SPAST: variants seen among roughly 807,000 people sequenced by gnomAD.
The protein encoded by SPAST is spastin.
A neutral mutation model predicts 76.6 loss-of-function variants in SPAST; 30 were observed. The ratio of observed to expected loss-of-function variants is 0.39; its 90% CI spans 0.29 to 0.53. SPAST has a LOEUF of 0.53. Ranked by LOEUF, SPAST falls within the 20% of genes least tolerant of loss-of-function variation. SPAST has a pLI of 0.68. For synonymous variants in SPAST, 305 were observed against 281.0 expected (o/e 1.09, Z -0.86); for missense variants, 717 against 770.5 (o/e 0.93, Z 0.82).
intron 3 of SPAST, among the ~76,000 whole-genome samples, chr2:32,092,640 G>A (rs1677767021): frequency 6.6e-6 from 1 of 152,254 alleles, no homozygotes; most frequent in Non-Finnish European, 1.5e-5. Flanking sequence ...TTTAAAGTTG[G>A]TGTCTGTTTT....
chr2:32,115,985 C>A, intron 6 of SPAST, 134 bp from the exon 7 acceptor site: 2 of 947,260 alleles, frequency 2.1e-6, no homozygotes, highest in Admixed American at 2.3e-5. Flanking sequence ...ATGTAGAAAA[C>A]CATTGCTTTA....
At chr2:32,153,814 C>T (rs868437384) in intron 16 of SPAST, among the ~76,000 whole-genome samples, 1 of 152,030 alleles carries the variant, frequency 6.6e-6, no homozygotes. Context: ...AAGTGGCTCA[C>T]GTCTGTAATC....
chr2:32,088,110 A>G (rs1396498329), intron 2 of SPAST, among the ~76,000 whole-genome samples: 5 of 151,274 alleles, frequency 3.3e-5, no homozygotes, highest in African/African-American at 9.7e-5. Context: ...CTGGTTTCGA[A>G]CTCCTGATCT....
At chr2:32,082,678 A>C (rs1677285719) in intron 1 of SPAST, among the ~76,000 whole-genome samples, 1 of 151,998 alleles carries the variant, frequency 6.6e-6, no homozygotes, top group Non-Finnish European at 1.5e-5. Context: ...CCTGGGCAAC[A>C]AGAGCGAAAT....
intron 16 of SPAST, among the ~76,000 whole-genome samples, chr2:32,148,209 A>AT (rs1211303884): frequency 2.0e-5 from 3 of 151,722 alleles, no homozygotes; most frequent in African/African-American, 4.8e-5. Flanking sequence ...CTTGGGACTA[A>AT]TTTTTTTTAA....
In SPAST at chr2:32,155,510, A is replaced by C. The variant is rs2148770155; in HGVS notation, c.*1014A>C. On this transcript the variant is annotated 3_prime_UTR_variant, in exon 17 of 17. Coordinates refer to ENST00000315285, the MANE Select transcript of SPAST (RefSeq NM_014946.4). ...CTACCATCTTTTATTCTTAATAATT[A>C]TTAATCCCTTCAATGAAACTTTAAA... The C allele has an allele frequency of 6.6e-6, 1 of 152,662 alleles. No homozygotes were observed. The highest frequency in any genetic ancestry group is 1.9e-4 in the East Asian group (1 of 5,190). 9.5% of individuals were successfully genotyped at this position (152,662 alleles called of 1,614,324 possible). A position where few individuals can be genotyped will look rare whatever the true frequency, so the allele number is the denominator to read the frequency against.
chr2:32,095,526 G>T (rs1677882811), intron 3 of SPAST, among the ~76,000 whole-genome samples: 1 of 151,456 alleles, frequency 6.6e-6, no homozygotes. Context: ...GAGTCCAGGA[G>T]TTTGAAACCA....
intron 13 of SPAST, 96 bp from the exon 14 acceptor site, chr2:32,143,240 C>T: frequency 1.3e-6 from 1 of 754,400 alleles, no homozygotes; most frequent in Non-Finnish European, 2.3e-6. Context: ...GCACTCCAGC[C>T]TGGGTAACAG....
At chr2:32,079,333 T>C (rs1040959002) in intron 1 of SPAST, among the ~76,000 whole-genome samples, 1 of 151,428 alleles carries the variant, frequency 6.6e-6, no homozygotes, top group African/African-American at 2.4e-5. Flanking sequence ...CTGGGCAATA[T>C]AGTGAGAGAC....
chr2:32,072,037 G>C (rs548621583), intron 1 of SPAST, among the ~76,000 whole-genome samples: 147 of 152,122 alleles, frequency 9.7e-4, no homozygotes, highest in Non-Finnish European at 1.8e-3. Context: ...ACTTCAATTT[G>C]TTTTATTTAT....
At chr2:32,126,834 A>C in intron 7 of SPAST, 114 bp from the exon 8 acceptor site, 1 of 703,532 alleles carries the variant, frequency 1.4e-6, no homozygotes, top group Admixed American at 2.3e-5. Context: ...CTTTAAAGCT[A>C]TGGGCAGCTC....
At chr2:32,086,534 G>A (rs182342551) in intron 1 of SPAST, among the ~76,000 whole-genome samples, 347 of 151,506 alleles carry the variant, frequency 2.3e-3, no homozygotes, top group African/African-American at 8.0e-3. Flanking sequence ...AGGCCAAGGC[G>A]GGTGGATCAC....
intron 4 of SPAST, among the ~76,000 whole-genome samples, chr2:32,103,294 T>A (rs1292737034): frequency 6.6e-6 from 1 of 152,236 alleles, no homozygotes. Flanking sequence ...TTTGCATTTC[T>A]GTGGAATCGG....
intron 1 of SPAST, among the ~76,000 whole-genome samples, chr2:32,076,323 C>G (rs901418272): frequency 6.6e-6 from 1 of 152,140 alleles, no homozygotes; most frequent in East Asian, 1.9e-4. Context: ...GAAAATAATT[C>G]TTTACCTTGA....
rs750900931 is a variant in SPAST at position 32,063,851 on chromosome 2, G to T, written c.20G>T (p.Arg7Leu). 4 of 1,581,718 alleles carry T rather than the reference G, an allele frequency of 2.5e-6. No homozygotes were observed. The highest frequency in any genetic ancestry group is 2.3e-5 in the East Asian group (1 of 43,852). Reference protein sequence around the residue: MNSPGGRGKKKGSGGAS... With the variant: MNSPGGLGKKKGSGGAS... ...CTGTGAATGAATTCTCCGGGTGGAC[G>T]AGGGAAGAAGAAAGGCTCCGGCGGC... The change falls in exon 1 of 17, where the codon CGA becomes CTA. Residue 7 changes from arginine (R) to leucine (L), a missense_variant. Physicochemically the swap from Arg to Leu is moderately radical, Grantham distance 102. Around this residue, in one of 3 missense-constraint regions of SPAST, gnomAD observed 543 missense variants for 445.2 expected, o/e 1.22. Transcript: ENST00000315285.
In SPAST at chr2:32,139,847, AAAAG is replaced by A. The variant is rs1175853479; in HGVS notation, c.1494-2053_1494-2050del. ...ATCCGTTTCCAAAATTAAAAAAAAA[AAAAG>A]AAAAAAAAAAAGACAATGGAGTACC... On this transcript the variant is annotated intron_variant, in intron 12 of 16. Coordinates refer to ENST00000315285, the MANE Select transcript of SPAST (RefSeq NM_014946.4). Among the ~76,000 whole-genome samples, 272 of 151,892 alleles carry A rather than the reference AAAAG, an allele frequency of 1.8e-3. 5 individuals are homozygous for A. In the East Asian group the frequency reaches 0.041, roughly 23 times the overall value.
At chr2:32,136,829 C>A in intron 10 of SPAST, 48 bp from the exon 11 acceptor site, 1 of 1,443,232 alleles carries the variant, frequency 6.9e-7, no homozygotes, top group Non-Finnish European at 9.7e-7. Context: ...TCAGATGACT[C>A]ACATAGCTTG....
intron 7 of SPAST, among the ~76,000 whole-genome samples, chr2:32,125,524 G>GT (rs924852362): frequency 3.9e-4 from 57 of 146,818 alleles, no homozygotes; most frequent in Admixed American, 7.5e-4. Flanking sequence ...CGCCCAGCAG[G>GT]TTTTTTTTTT....
chr2:32,110,799 C>T (rs1307781928), intron 4 of SPAST, among the ~76,000 whole-genome samples: 4 of 134,448 alleles, frequency 3.0e-5, no homozygotes, highest in East Asian at 2.2e-4. Context: ...GTATAGTATA[C>T]ATAGTATACT....
Sources: allele counts gnomAD v4.1 joint callset (sites outside exome capture counted in the v4.1 genomes callset), GRCh38; gene constraint gnomAD v4.1.1; regional missense constraint gnomAD v4.1.1; transcripts MANE v1.5; gene names NCBI Gene and HGNC (gene_info 2026-07-23, HGNC 2026-07-21).